The following KIF20B variants were observed in gnomAD, a reference collection of about 807,000 sequenced individuals.
KIF20B encodes kinesin family member 20B, also known as kinesin-like protein KIF20B.
KIF20B carries 188 observed loss-of-function variants against 232.5 expected under a neutral mutation model. That is an observed-to-expected ratio of 0.81 (90% CI 0.72 to 0.91). KIF20B has a LOEUF of 0.91. Among genes scored for constraint, KIF20B ranks in the 40% least tolerant of loss-of-function variants. The probability of loss-of-function intolerance (pLI) is 0.00; values close to 1 mark genes in which losing one functional copy is unlikely to be tolerated. For missense variants in KIF20B, 2,154 were observed against 2,055.9 expected, an observed-to-expected ratio of 1.05 and a Z score of -0.92; for synonymous variants, 712 against 683.0, an observed-to-expected ratio of 1.04 and a Z score of -0.66.
Position 89,737,571 on chromosome 10 carries a change from A to G in KIF20B, c.2730A>G (p.Lys910=), listed in dbSNP as rs1205506755. Residue 910 remains lysine, a synonymous_variant, in exon 20 of 33, where the codon AAA becomes AAG. Transcript: ENST00000371728. ...NEKEEKAELN[K]QIVHFQQELS... ...AGGAAGAAAAAGCAGAATTAAATAAACAGATTGTTCATTTTCAGCAGGAAC... is the reference window on the plus strand; with the variant it reads ...AGGAAGAAAAAGCAGAATTAAATAAGCAGATTGTTCATTTTCAGCAGGAAC... The G allele has an allele frequency of 6.2e-7, 1 of 1,607,158 alleles. No homozygotes were observed. Among genetic ancestry groups the G allele is most frequent in the Admixed American group, 1.7e-5 (1 of 59,050 alleles).
chr10:89,736,645 GA>G (rs1841660485), intron 19 of KIF20B, among the ~76,000 whole-genome samples: 1 of 152,116 alleles, frequency 6.6e-6, no homozygotes, highest in African/African-American at 2.4e-5. Context: ...TATTAAGCCT[GA>G]AAAAGGCAAA....
chr10:89,769,466 A>G (rs1842426613), intron 31 of KIF20B, among the ~76,000 whole-genome samples: 1 of 152,032 alleles, frequency 6.6e-6, no homozygotes, highest in African/African-American at 2.4e-5. Flanking sequence ...GGTGGGTTGG[A>G]CAAGTTTGCC....
intron 26 of KIF20B, among the ~76,000 whole-genome samples, chr10:89,757,614 G>T (rs1308318207): frequency 6.6e-6 from 1 of 151,890 alleles, no homozygotes; most frequent in East Asian, 1.9e-4. Flanking sequence ...TGAAAGCTTT[G>T]AAGTTTTTTA....
In KIF20B at chr10:89,709,966, G is replaced by T; in HGVS notation, c.391G>T (p.Gly131Cys). The T allele has an allele frequency of 2.5e-6, 4 of 1,606,374 alleles. No individual in the cohort carries two copies. Among genetic ancestry groups the T allele is most frequent in the South Asian group, 1.1e-5 (1 of 89,108 alleles). The change falls in exon 5 of 33, where the codon GGT becomes TGT. Residue 131 changes from glycine (G) to cysteine (C), a missense_variant. By Grantham distance (159) the Gly-to-Cys change is radical. Transcript: ENST00000371728. The stretch of plus-strand genomic sequence containing the variant: ...AACTACACAGAAGGAATTCTTTCAG[G>T]GTTGCATTATGCAACCAGTAAAAGA... ...PATTQKEFFQ[G>C]CIMQPVKDLL...
chr10:89,773,859 A>G, intron 32 of KIF20B, 112 bp from the exon 33 acceptor site: 1 of 492,140 alleles, frequency 2.0e-6, no homozygotes, highest in Non-Finnish European at 3.5e-6. Flanking sequence ...AAAATTCTCC[A>G]ATGTATCATT....
At chr10:89,729,541 G>T (rs888192038) in intron 18 of KIF20B, among the ~76,000 whole-genome samples, 1 of 152,204 alleles carries the variant, frequency 6.6e-6, no homozygotes, top group African/African-American at 2.4e-5. Context: ...TAGTTGGAAG[G>T]GGAGCTTTGA....
intron 23 of KIF20B, among the ~76,000 whole-genome samples, chr10:89,749,342 C>T (rs1020275761): frequency 1.3e-5 from 2 of 152,128 alleles, no homozygotes; most frequent in African/African-American, 4.8e-5. Flanking sequence ...TTTCACTTAC[C>T]TATCTTTAAT....
At chr10:89,702,370 GCTGGT>G in intron 1 of KIF20B, among the ~76,000 whole-genome samples, 1 of 152,258 alleles carries the variant, frequency 6.6e-6, no homozygotes, top group Non-Finnish European at 1.5e-5. Context: ...CGATTCGCTC[GCTGGT>G]TCAGTGATGC....
chr10:89,706,958 C>T (rs1053532564), intron 2 of KIF20B, among the ~76,000 whole-genome samples: 9 of 152,038 alleles, frequency 5.9e-5, no homozygotes, highest in South Asian at 4.1e-4. Flanking sequence ...GGGATTTTGA[C>T]TGGGATTGCA....
At chr10:89,714,904 TAGTC>T (rs776838738) in intron 7 of KIF20B, 47 bp from the exon 8 acceptor site, 62 of 1,080,814 alleles carry the variant, frequency 5.7e-5, no homozygotes, top group Non-Finnish European at 7.8e-5. Flanking sequence ...GTCACGTTTT[TAGTC>T]AGTTGCTTAC....
intron 9 of KIF20B, 117 bp from the exon 10 acceptor site, chr10:89,717,307 C>A: frequency 1.6e-6 from 1 of 622,138 alleles, no homozygotes; most frequent in Non-Finnish European, 2.8e-6. Flanking sequence ...TTGGAAAATG[C>A]AATGGTGGAC....
chr10:89,725,791 A>G (rs572054124), intron 15 of KIF20B, among the ~76,000 whole-genome samples: 1 of 152,196 alleles, frequency 6.6e-6, no homozygotes, highest in East Asian at 1.9e-4. Context: ...GCTTCCACTG[A>G]AGCTGAAATT....
chr10:89,725,240 C>T, intron 15 of KIF20B, 82 bp downstream of exon 15: 1 of 1,202,698 alleles, frequency 8.3e-7, no homozygotes, highest in Non-Finnish European at 1.2e-6. Context: ...ATGAGAAACA[C>T]CAAGATAGTT....
At chr10:89,728,573 A>G (rs1036370621) in intron 17 of KIF20B, among the ~76,000 whole-genome samples, 2 of 151,712 alleles carry the variant, frequency 1.3e-5, no homozygotes, top group African/African-American at 4.8e-5. Context: ...GTGCAGTGGC[A>G]TGGCTCACTG....
chr10:89,718,257 C>T (rs561640858), intron 11 of KIF20B, among the ~76,000 whole-genome samples: 3 of 152,186 alleles, frequency 2.0e-5, no homozygotes, highest in African/African-American at 7.2e-5. Flanking sequence ...GGCATGGTGG[C>T]TTATGCCTGT....
At position 89,745,905 on chromosome 10, in the gene KIF20B, TTAAA is replaced by T. The variant is rs1441047171; in HGVS notation, c.4046_4049del (p.Asn1349IlefsTer18). 4 of 1,598,926 alleles carry T rather than the reference TTAAA, an allele frequency of 2.5e-6. No homozygotes were observed. The highest frequency in any genetic ancestry group is 1.7e-5 in the Admixed American group (1 of 60,008). On this transcript the variant is annotated frameshift_variant, in exon 23 of 33. Coordinates refer to ENST00000371728, the MANE Select transcript of KIF20B (RefSeq NM_001284259.2). LOFTEE classifies it high-confidence loss of function. ...ATATTCTTTCAATTTGTAGGAGCAG[TTAAA>T]TAATCAGAAAGTGGAAGAAGCTATA...
In KIF20B at chr10:89,709,218, C is replaced by G. The variant is rs1283252329; in HGVS notation, c.199C>G (p.Pro67Ala). The stretch of plus-strand genomic sequence containing the variant: ...TCTCCAGGTTTGTCTTCGAATAAGA[C>G]CATTTACACAGTCAGAAAAAGAACT... ...DYLQVCLRIRPFTQSEKELES... is the reference protein window; with the variant it reads ...DYLQVCLRIRAFTQSEKELES... The change falls in exon 3 of 33, where the codon CCA becomes GCA. Residue 67 changes from proline (P) to alanine (A), a missense_variant. Transcript: ENST00000371728. 1.2e-6 allele frequency: 2 copies of G among 1,610,732 alleles called. No individual in the cohort carries two copies. The highest frequency in any genetic ancestry group is 1.7e-6 in the Non-Finnish European group (2 of 1,177,926).
chr10:89,753,200 C>CT (rs747763633), intron 25 of KIF20B, among the ~76,000 whole-genome samples: 2 of 150,936 alleles, frequency 1.3e-5, no homozygotes, highest in Admixed American at 6.6e-5. Flanking sequence ...ATGGGGGAAA[C>CT]TTTTTTTTTC....
intron 8 of KIF20B, among the ~76,000 whole-genome samples, chr10:89,715,571 A>G (rs929910115): frequency 3.9e-5 from 6 of 152,228 alleles, no homozygotes; most frequent in Admixed American, 6.5e-5. Context: ...TATTAATAAC[A>G]TCATGATTCA....
Sources: allele counts gnomAD v4.1 joint callset (sites outside exome capture counted in the v4.1 genomes callset), GRCh38; gene constraint gnomAD v4.1.1; transcripts MANE v1.5; gene names NCBI Gene and HGNC (gene_info 2026-07-23, HGNC 2026-07-21).